The following PMS1 variants were observed in gnomAD, a reference collection of about 807,000 sequenced individuals.
PMS1 encodes the protein PMS1 protein homolog 1.
In PMS1, 79 loss-of-function variants were observed where a neutral mutation model predicts 93.1. The ratio of observed to expected loss-of-function variants is 0.85; its 90% CI spans 0.71 to 1.02. The LOEUF (loss-of-function observed/expected upper bound fraction) is 1.02, where lower values mean the gene tolerates loss of function less well. Among genes scored for constraint, PMS1 ranks in the 50% least tolerant of loss-of-function variants. The probability of loss-of-function intolerance (pLI) is 0.00; values close to 1 mark genes in which losing one functional copy is unlikely to be tolerated. For synonymous variants in PMS1, 335 were observed against 363.4 expected (o/e 0.92, Z 0.89); for missense variants, 1,064 against 1,085.3 (o/e 0.98, Z 0.28).
rs529080574 is a variant in PMS1, at chr2:189,845,321, T to C, written c.699+1241T>C. Reference sequence around the variant, plus strand: ...TAAAGATCCATTGTTGTATCTCTTATGCCATGCAAATGAGAATATTCCTAG... The same window carrying C: ...TAAAGATCCATTGTTGTATCTCTTACGCCATGCAAATGAGAATATTCCTAG... On this transcript the variant is annotated intron_variant, in intron 6 of 12. Coordinates refer to ENST00000441310, the MANE Select transcript of PMS1 (RefSeq NM_000534.5). 9.2e-5 allele frequency among the ~76,000 whole-genome samples: 14 copies of C among 152,278 alleles called. No individual in the cohort carries two copies. The South Asian group carries it at 1.7e-3, about 18-fold the overall frequency.
At position 189,849,596 on chromosome 2, in the gene PMS1, A is replaced by C. The variant is rs574367380; in HGVS notation, c.700-3059A>C. Among the ~76,000 whole-genome samples the C allele has an allele frequency of 8.5e-5, 13 of 152,286 alleles. No individual in the cohort carries two copies. The East Asian group carries it at 2.5e-3, about 29-fold the overall frequency. On this transcript the variant is annotated intron_variant, in intron 6 of 12. Transcript: ENST00000441310. The stretch of plus-strand genomic sequence containing the variant: ...TATGCTTTGAAAATTTAATTTCAAA[A>C]TCATCTTGAATGCAGGTTTATTGTT...
intron 9 of PMS1, among the ~76,000 whole-genome samples, chr2:189,858,279 C>T (rs927433585): frequency 6.6e-6 from 1 of 151,978 alleles, no homozygotes; most frequent in Non-Finnish European, 1.5e-5. Flanking sequence ...ACTCAGTTGA[C>T]GTTAGCTTGA....
chr2:189,791,976 C>T, intron 2 of PMS1, 35 bp downstream of exon 2: 1 of 1,597,956 alleles, frequency 6.3e-7, no homozygotes, highest in Non-Finnish European at 8.6e-7. Flanking sequence ...ACCTTTAAGA[C>T]AAAGAAAAGG....
intron 1 of PMS1, 51 bp from the exon 2 acceptor site, chr2:189,791,739 G>T: frequency 2.3e-6 from 3 of 1,331,484 alleles, no homozygotes; most frequent in Non-Finnish European, 3.2e-6. Flanking sequence ...CATTTGTCCT[G>T]TTGGTCAGGA....
At chr2:189,835,906 CAAAA>C (rs3067429) in intron 5 of PMS1, among the ~76,000 whole-genome samples, 18 of 86,984 alleles carry the variant, frequency 2.1e-4, no homozygotes, top group African/African-American at 4.3e-4. Context: ...TAGCCTGTCT[CAAAA>C]AAAAAAAAAA....
chr2:189,822,807 G>C (rs541414982), intron 5 of PMS1, among the ~76,000 whole-genome samples: 1 of 152,146 alleles, frequency 6.6e-6, no homozygotes, highest in Admixed American at 6.5e-5. Context: ...TGGATATACT[G>C]TATCTGAAGA....
intron 9 of PMS1, among the ~76,000 whole-genome samples, chr2:189,856,128 C>A (rs1290303714): frequency 2.0e-5 from 3 of 150,584 alleles, no homozygotes; most frequent in African/African-American, 7.3e-5. Flanking sequence ...CTCCATAAAG[C>A]TTTTCTCTTC....
At chr2:189,816,925 G>A (rs1001108828) in intron 4 of PMS1, among the ~76,000 whole-genome samples, 3 of 152,034 alleles carry the variant, frequency 2.0e-5, no homozygotes, top group Non-Finnish European at 2.9e-5. Context: ...TATAGGTGAT[G>A]CACTCTATTT....
At chr2:189,874,102 T>TA (rs937011402) in intron 12 of PMS1, among the ~76,000 whole-genome samples, 51 of 146,452 alleles carry the variant, frequency 3.5e-4, no homozygotes, top group South Asian at 8.7e-4. Context: ...AGAACACTAT[T>TA]AAAAAAAAAA....
chr2:189,863,280 G>A (rs1024855886), intron 9 of PMS1, among the ~76,000 whole-genome samples: 4 of 147,704 alleles, frequency 2.7e-5, no homozygotes, highest in African/African-American at 9.9e-5. Context: ...TTGAGACAGA[G>A]TCTTGCTCTG....
At chr2:189,868,807 TTGATTTTTG>T (rs1373897170) in intron 11 of PMS1, among the ~76,000 whole-genome samples, 6 of 152,196 alleles carry the variant, frequency 3.9e-5, no homozygotes, top group African/African-American at 1.2e-4. Context: ...CTAATTTTAC[TTGATTTTTG>T]TGATTTTTAA....
intron 10 of PMS1, among the ~76,000 whole-genome samples, chr2:189,866,265 A>G (rs1165403562): frequency 6.6e-6 from 1 of 152,194 alleles, no homozygotes; most frequent in African/African-American, 2.4e-5. Flanking sequence ...TTTTCAAATG[A>G]TAGGTTTTTA....
chr2:189,784,530 C>G lies in PMS1; in HGVS notation c.-84C>G, dbSNP rs374103918. The G allele has an allele frequency of 6.5e-6, 1 of 153,000 alleles. No homozygotes were observed. Among genetic ancestry groups the G allele is most frequent in the Admixed American group, 6.5e-5 (1 of 15,304 alleles). 9.5% of individuals were successfully genotyped at this position (153,000 alleles called of 1,614,324 possible). A position where few individuals can be genotyped will look rare whatever the true frequency, so the allele number is the denominator to read the frequency against. On this transcript the variant is annotated 5_prime_UTR_variant, in exon 1 of 13. The change creates a new upstream start codon in the 5' untranslated region. Transcript: ENST00000441310. The stretch of plus-strand genomic sequence containing the variant: ...CGGGTGCGGGGTTGGGCCTGCGCAT[C>G]GGGTGAGACGCTGGCTGCTTGCGGC...
At position 189,854,014 on chromosome 2, in the gene PMS1, G is replaced by A. The variant is rs2055059935; in HGVS notation, c.898G>A (p.Asp300Asn). The change falls in exon 8 of 13, where the codon GAT (aspartate) becomes AAT (asparagine). Residue 300 changes from aspartate (D) to asparagine (N), a missense_variant. By Grantham distance (23) the Asp-to-Asn change is conservative. Transcript: ENST00000441310. ...GTATCCTGTTTTCTTTCTGAAAATC[G>A]ATGTTCCTACAGCTGATGTTGATGT... ...RLYPVFFLKI[D>N]VPTADVDVNL... 12 of 1,608,444 alleles carry A rather than the reference G, an allele frequency of 7.5e-6. No individual in the cohort carries two copies. Among genetic ancestry groups the A allele is most frequent in the African/African-American group, 2.7e-5 (2 of 74,878 alleles).
intron 6 of PMS1, 100 bp downstream of exon 6, chr2:189,844,180 A>G: frequency 6.3e-7 from 1 of 1,576,790 alleles, no homozygotes; most frequent in South Asian, 1.1e-5. Context: ...TTAGTCTTTT[A>G]ATATTTTAAT....
chr2:189,791,322 G>A (rs1386273029), intron 1 of PMS1, among the ~76,000 whole-genome samples: 1 of 152,032 alleles, frequency 6.6e-6, no homozygotes, highest in South Asian at 2.1e-4. Context: ...GTAATAATAA[G>A]AAATAGAAGA....
At chr2:189,794,882 G>A (rs1349684661) in intron 2 of PMS1, among the ~76,000 whole-genome samples, 1 of 152,002 alleles carries the variant, frequency 6.6e-6, no homozygotes, top group African/African-American at 2.4e-5. Flanking sequence ...GGATCGCTTG[G>A]AGCCAGGAGT....
At chr2:189,810,715 A>G (rs2050767651) in intron 4 of PMS1, among the ~76,000 whole-genome samples, 1 of 152,206 alleles carries the variant, frequency 6.6e-6, no homozygotes, top group Admixed American at 6.5e-5. Flanking sequence ...ATTTGAAACC[A>G]AAGACATTTG....
intron 5 of PMS1, among the ~76,000 whole-genome samples, chr2:189,840,540 A>C (rs113399138): frequency 4.5e-4 from 69 of 152,322 alleles, no homozygotes; most frequent in African/African-American, 1.5e-3. Flanking sequence ...TTTCTTATAC[A>C]GGTCACTTTG....
Sources: allele counts gnomAD v4.1 joint callset (sites outside exome capture counted in the v4.1 genomes callset), GRCh38; gene constraint gnomAD v4.1.1; transcripts MANE v1.5; gene names NCBI Gene and HGNC (gene_info 2026-07-23, HGNC 2026-07-21).